EPHA6: variants seen among roughly 807,000 people sequenced by gnomAD.
EPHA6 encodes ephrin type-A receptor 6.
EPHA6 carries 50 observed loss-of-function variants against 112.0 expected under a neutral mutation model. That is an observed-to-expected ratio of 0.45 (90% CI 0.36 to 0.56). EPHA6 has a LOEUF of 0.56. Ranked by LOEUF, EPHA6 falls within the 20% of genes least tolerant of loss-of-function variation. EPHA6 has a pLI of 0.00. For synonymous variants in EPHA6, 529 were observed against 490.7 expected, an observed-to-expected ratio of 1.08 and a Z score of -1.03; for missense variants, 1,280 against 1,417.4, an observed-to-expected ratio of 0.90 and a Z score of 1.56.
At chr3:97,278,642 C>T (rs2080179706) in intron 5 of EPHA6, among the ~76,000 whole-genome samples, 1 of 152,206 alleles carries the variant, frequency 6.6e-6, no homozygotes, top group African/African-American at 2.4e-5. Flanking sequence ...ACTCTGTCCA[C>T]TGCATATCAG....
intron 2 of EPHA6, among the ~76,000 whole-genome samples, chr3:96,911,926 CT>C (rs1418616814): frequency 4.0e-5 from 6 of 151,646 alleles, no homozygotes; most frequent in African/African-American, 1.5e-4. Flanking sequence ...CTTCTATTAC[CT>C]TTTCACAACT....
rs553901751 is a variant in EPHA6, at chr3:97,271,356, C to T, written c.1606+27069C>T. Among the ~76,000 whole-genome samples the T allele has an allele frequency of 2.0e-5, 3 of 152,340 alleles. No homozygotes were observed. The South Asian group carries it at 6.2e-4, about 32-fold the overall frequency. ...TACTGTCCTTTTGTGTGCCTTCTCT[C>T]TTCAAATTCCTTTAATTTTTGAGAC... On this transcript the variant is annotated intron_variant, in intron 5 of 17. Coordinates refer to ENST00000389672, the MANE Select transcript of EPHA6 (RefSeq NM_001080448.3).
chr3:97,414,259 C>G (rs903786564), intron 6 of EPHA6, among the ~76,000 whole-genome samples: 1 of 151,866 alleles, frequency 6.6e-6, no homozygotes, highest in Non-Finnish European at 1.5e-5. Flanking sequence ...AAATAAATAT[C>G]TTAATAAAGG....
intron 13 of EPHA6, among the ~76,000 whole-genome samples, chr3:97,621,174 G>A (rs745408858): frequency 6.6e-5 from 10 of 151,806 alleles, no homozygotes; most frequent in Non-Finnish European, 1.5e-4. Flanking sequence ...CAGAAACCAA[G>A]CACTGCATGT....
intron 2 of EPHA6, among the ~76,000 whole-genome samples, chr3:96,870,316 G>C (rs755169027): frequency 6.6e-6 from 1 of 151,984 alleles, no homozygotes; most frequent in African/African-American, 2.4e-5. Context: ...TCCCAAGTCT[G>C]AAGACCCAAG....
chr3:97,586,833 T>A (rs1483087824), intron 11 of EPHA6, among the ~76,000 whole-genome samples: 1 of 152,230 alleles, frequency 6.6e-6, no homozygotes, highest in Non-Finnish European at 1.5e-5. Flanking sequence ...TAGACTAGTT[T>A]ATCTTTGCGC....
At chr3:97,551,312 T>A (rs1383448625) in intron 11 of EPHA6, among the ~76,000 whole-genome samples, 1 of 152,138 alleles carries the variant, frequency 6.6e-6, no homozygotes, top group Non-Finnish European at 1.5e-5. Context: ...GCCTGAGAAG[T>A]AAAAGTAGGC....
intron 4 of EPHA6, among the ~76,000 whole-genome samples, chr3:97,236,115 G>A (rs913875545): frequency 6.6e-6 from 1 of 151,756 alleles, no homozygotes; most frequent in Non-Finnish European, 1.5e-5. Flanking sequence ...ACACTATCAG[G>A]TCTTGGTCAA....
At chr3:96,963,906 T>C (rs1051916674) in intron 2 of EPHA6, among the ~76,000 whole-genome samples, 2 of 152,182 alleles carry the variant, frequency 1.3e-5, no homozygotes, top group African/African-American at 4.8e-5. Flanking sequence ...TCTTTTCATG[T>C]GCCTTTATTC....
At position 97,750,813 on chromosome 3, in the gene EPHA6, T is replaced by C. The variant is rs1006190347; in HGVS notation, c.*2112T>C. On this transcript the variant is annotated 3_prime_UTR_variant, in exon 18 of 18. Coordinates refer to ENST00000389672, the MANE Select transcript of EPHA6 (RefSeq NM_001080448.3). ...AAGCAAAGCTAGAAGGAAGAGTCTT[T>C]AGATGTTTCTTAAAATATACAAAAA... Among the ~76,000 whole-genome samples, 1 of 152,176 alleles carries C rather than the reference T, an allele frequency of 6.6e-6. No homozygotes were observed. Among genetic ancestry groups the C allele is most frequent in the African/African-American group, 2.4e-5 (1 of 41,466 alleles).
At chr3:97,054,858 C>CT (rs142842874) in intron 3 of EPHA6, among the ~76,000 whole-genome samples, 9 of 151,276 alleles carry the variant, frequency 5.9e-5, no homozygotes, top group East Asian at 1.9e-4. Context: ...ATCATGGGTA[C>CT]TTTTTTTTTC....
intron 5 of EPHA6, among the ~76,000 whole-genome samples, chr3:97,317,567 T>C (rs2081904821): frequency 1.3e-5 from 2 of 152,020 alleles, no homozygotes; most frequent in Non-Finnish European, 2.9e-5. Flanking sequence ...ATTGGACTGA[T>C]AGTAGATTGT....
At chr3:97,132,465 C>T (rs995927199) in intron 3 of EPHA6, among the ~76,000 whole-genome samples, 2 of 152,032 alleles carry the variant, frequency 1.3e-5, no homozygotes, top group African/African-American at 4.8e-5. Flanking sequence ...CTCTACTCCT[C>T]TATTAAGAAG....
intron 5 of EPHA6, among the ~76,000 whole-genome samples, chr3:97,306,293 C>CTTTT (rs5851061): frequency 8.8e-5 from 11 of 124,830 alleles, no homozygotes; most frequent in Non-Finnish European, 2.0e-4. Flanking sequence ...TCAGGGCCCT[C>CTTTT]TTTTTTTTTT....
intron 3 of EPHA6, among the ~76,000 whole-genome samples, chr3:97,155,111 A>G (rs1178704590): frequency 6.6e-6 from 1 of 152,154 alleles, no homozygotes; most frequent in Non-Finnish European, 1.5e-5. Context: ...TCTTTTTCTT[A>G]TCTTAAAAAT....
chr3:97,554,213 T>A (rs1222997375), intron 11 of EPHA6, among the ~76,000 whole-genome samples: 2 of 152,124 alleles, frequency 1.3e-5, no homozygotes, highest in Non-Finnish European at 2.9e-5. Context: ...TGAAAATACA[T>A]CATAAACCTG....
intron 2 of EPHA6, among the ~76,000 whole-genome samples, chr3:96,979,500 A>G (rs1200334890): frequency 1.3e-5 from 2 of 152,114 alleles, no homozygotes; most frequent in East Asian, 1.9e-4. Context: ...GAATAGTGCC[A>G]CAATAAACAT....
At chr3:97,233,540 AT>A (rs984525821) in intron 4 of EPHA6, among the ~76,000 whole-genome samples, 32 of 152,248 alleles carry the variant, frequency 2.1e-4, no homozygotes, top group Admixed American at 1.4e-3. Flanking sequence ...CAGTAGCAAT[AT>A]TTTAATAGAT....
intron 16 of EPHA6, among the ~76,000 whole-genome samples, chr3:97,744,121 A>G (rs958006585): frequency 2.4e-4 from 36 of 152,012 alleles, no homozygotes; most frequent in African/African-American, 8.2e-4. Context: ...ATCTAAATTA[A>G]CCATAATTTT....
Sources: allele counts gnomAD v4.1 joint callset (sites outside exome capture counted in the v4.1 genomes callset), GRCh38; gene constraint gnomAD v4.1.1; transcripts MANE v1.5; gene names NCBI Gene and HGNC (gene_info 2026-07-23, HGNC 2026-07-21).